SP2: variants seen among roughly 807,000 people sequenced by gnomAD.
SP2 encodes Sp2 transcription factor, also known as transcription factor Sp2.
A neutral mutation model predicts 50.1 loss-of-function variants in SP2; 9 were observed. That is an observed-to-expected ratio of 0.18 (90% CI 0.11 to 0.31). SP2 has a LOEUF of 0.31. SP2 is among the 10% of genes least tolerant of loss of function. The probability of loss-of-function intolerance (pLI) is 1.00; values close to 1 mark genes in which losing one functional copy is unlikely to be tolerated. For missense variants in SP2, 581 were observed against 806.5 expected (o/e 0.72, Z 3.39); for synonymous variants, 313 against 326.6 (o/e 0.96, Z 0.45).
At chr17:47,898,889 T>C (rs986213885) in intron 1 of SP2, 1 of 152,234 alleles carries the variant, frequency 6.6e-6, no homozygotes, top group African/African-American at 2.4e-5. Context: ...TACAAGTTCA[T>C]TGGGTGATAT....
intron 2 of SP2, among the ~76,000 whole-genome samples, chr17:47,915,750 C>A (rs892914184): frequency 3.9e-5 from 6 of 152,156 alleles, no homozygotes; most frequent in Middle Eastern, 3.2e-3. Context: ...TGTTGCCCCT[C>A]CATTTTTTCC....
chr17:47,928,755 T>G lies in SP2; in HGVS notation c.*931T>G, dbSNP rs1238013878. 1 of 152,696 alleles carries G rather than the reference T, an allele frequency of 6.5e-6. No homozygotes were observed. The highest frequency in any genetic ancestry group is 1.5e-5 in the Non-Finnish European group (1 of 68,058). The allele number at this position is 152,696 out of a possible 1,614,324, so 9.5% of individuals were successfully genotyped here. A position where few individuals can be genotyped will look rare whatever the true frequency, so the allele number is the denominator to read the frequency against. Reference sequence around the variant, plus strand: ...TAGACAATTGTGTCTACTACATGTTTAAAAACACATTGCTTGTTATTTTTG... The same window carrying G: ...TAGACAATTGTGTCTACTACATGTTGAAAAACACATTGCTTGTTATTTTTG... On this transcript the variant is annotated 3_prime_UTR_variant, in exon 7 of 7. Transcript: ENST00000376741.
chr17:47,918,936 C>T (rs1009337457), intron 3 of SP2, among the ~76,000 whole-genome samples: 2 of 152,014 alleles, frequency 1.3e-5, no homozygotes, highest in Admixed American at 1.3e-4. Context: ...CAATATGCCC[C>T]GCAAAGCTAA....
At chr17:47,926,433 C>T (rs111682782) in intron 6 of SP2, among the ~76,000 whole-genome samples, 7,393 of 150,934 alleles carry the variant, frequency 0.049, 286 homozygotes, top group African/African-American at 0.11. Flanking sequence ...CCACCTCAAC[C>T]TCCTGAGTAG....
At chr17:47,896,389 C>T (rs1755242085) in intron 1 of SP2, 96 bp downstream of exon 1, 2 of 1,060,124 alleles carry the variant, frequency 1.9e-6, no homozygotes, top group Admixed American at 4.3e-5. Context: ...GCCGGGGGTT[C>T]CCCCCTGGGG....
intron 1 of SP2, among the ~76,000 whole-genome samples, chr17:47,905,426 C>T (rs772917711): frequency 6.6e-6 from 1 of 152,192 alleles, no homozygotes; most frequent in Non-Finnish European, 1.5e-5. Flanking sequence ...GCCAGACCCA[C>T]GATGGCAGGA....
At chr17:47,903,501 A>G (rs1037287379) in intron 1 of SP2, among the ~76,000 whole-genome samples, 4 of 148,764 alleles carry the variant, frequency 2.7e-5, no homozygotes, top group Non-Finnish European at 5.9e-5. Flanking sequence ...CCCCAACTCT[A>G]TTAAAAATAC....
At chr17:47,909,925 G>A (rs1003314602) in intron 1 of SP2, among the ~76,000 whole-genome samples, 2 of 152,188 alleles carry the variant, frequency 1.3e-5, no homozygotes, top group African/African-American at 4.8e-5. Flanking sequence ...TCGGCTCACT[G>A]CAAGCTCTGC....
intron 1 of SP2, among the ~76,000 whole-genome samples, chr17:47,907,191 C>G (rs975022767): frequency 2.6e-5 from 4 of 151,930 alleles, no homozygotes; most frequent in African/African-American, 9.7e-5. Flanking sequence ...GAGGGGACGG[C>G]AGGGTGCCAG....
chr17:47,916,105 C>T lies in SP2; in HGVS notation c.85-51C>T, dbSNP rs755344038. On this transcript the variant is annotated intron_variant, in intron 2 of 6. Coordinates refer to ENST00000376741, the MANE Select transcript of SP2 (RefSeq NM_003110.6). The surrounding 1 kb of genome is among the most constrained non-coding windows in gnomAD (Gnocchi z 4.7). ...GGAGAGGATCATGGACAGAGGCGGC[C>T]GGGCAGCGGGCCTTCCTGTCTCACT... 75 of 1,552,756 alleles carry T rather than the reference C, an allele frequency of 4.8e-5. No individual in the cohort carries two copies. The highest frequency in any genetic ancestry group is 4.6e-4 in the Admixed American group (25 of 54,026).
chr17:47,904,190 G>A (rs1226152410), intron 1 of SP2, among the ~76,000 whole-genome samples: 2 of 151,508 alleles, frequency 1.3e-5, no homozygotes, highest in Admixed American at 6.6e-5. Context: ...GCGTGAACCC[G>A]GGAGGCGGAG....
intron 1 of SP2, among the ~76,000 whole-genome samples, chr17:47,911,147 G>A (rs1410377502): frequency 6.6e-6 from 1 of 151,942 alleles, no homozygotes; most frequent in Non-Finnish European, 1.5e-5. Flanking sequence ...GATCACATGA[G>A]CCCAGGAGGC....
intron 2 of SP2, among the ~76,000 whole-genome samples, chr17:47,915,759 C>A (rs932408784): frequency 6.6e-6 from 1 of 152,006 alleles, no homozygotes; most frequent in African/African-American, 2.4e-5. Context: ...TCCATTTTTT[C>A]CTCCCTCCTT....
chr17:47,918,797 TC>T (rs1316898353), intron 3 of SP2, among the ~76,000 whole-genome samples: 3 of 152,214 alleles, frequency 2.0e-5, no homozygotes, highest in Admixed American at 1.3e-4. Flanking sequence ...AGGTTTGCAG[TC>T]TGTGACCAAC....
chr17:47,913,496 A>G (rs1371827601), intron 1 of SP2, among the ~76,000 whole-genome samples: 7 of 152,122 alleles, frequency 4.6e-5, no homozygotes, highest in African/African-American at 9.7e-5. Flanking sequence ...TTAGTGATTT[A>G]TGCACTTTAA....
At position 47,916,137 on chromosome 17, in the gene SP2, C is replaced by T. The variant is rs1329831581; in HGVS notation, c.85-19C>T. ...CGGGCCTTCCTGTCTCACTCCTTTT[C>T]TCTGCTGTTTTTTTGCAGGACTCCC... On this transcript the variant is annotated intron_variant, in intron 2 of 6. Coordinates refer to ENST00000376741, the MANE Select transcript of SP2 (RefSeq NM_003110.6). This position sits in a 1 kb window ranked among gnomAD's most constrained non-coding sequence, Gnocchi z 4.7. The T allele has an allele frequency of 6.3e-7, 1 of 1,585,480 alleles. No homozygotes were observed. The highest frequency in any genetic ancestry group is 8.6e-7 in the Non-Finnish European group (1 of 1,164,666).
intron 4 of SP2, among the ~76,000 whole-genome samples, chr17:47,924,339 A>AT (rs11403605): frequency 0.97 from 147,356 of 152,126 alleles, 71,513 homozygotes; most frequent in East Asian, 1. Flanking sequence ...GTCTCCCTAT[A>AT]TGCCCAGGCT....
chr17:47,919,073 A>G (rs963100343), intron 3 of SP2, among the ~76,000 whole-genome samples: 4 of 152,172 alleles, frequency 2.6e-5, no homozygotes, highest in Non-Finnish European at 4.4e-5. Context: ...AGTGATTTGA[A>G]AAAGGGGCAC....
chr17:47,919,825 C>CTTTTTTTTTTTTTTT (rs141856390), intron 3 of SP2, among the ~76,000 whole-genome samples: 29 of 94,804 alleles, frequency 3.1e-4, no homozygotes, highest in African/African-American at 5.5e-4. Context: ...TTTGTCATTC[C>CTTTTTTTTTTTTTTT]TTTTTTTTTT....
Sources: allele counts gnomAD v4.1 joint callset (sites outside exome capture counted in the v4.1 genomes callset), GRCh38; gene constraint gnomAD v4.1.1; non-coding constraint Gnocchi (gnomAD v3.1); transcripts MANE v1.5; gene names NCBI Gene and HGNC (gene_info 2026-07-23, HGNC 2026-07-21).